The following MAPKAP1 variants were observed in gnomAD, a reference collection of about 807,000 sequenced individuals.
MAPKAP1 encodes target of rapamycin complex 2 subunit MAPKAP1.
In MAPKAP1, 20 loss-of-function variants were observed where a neutral mutation model predicts 65.7. The observed-to-expected ratio is 0.30, with a 90% CI of 0.21 to 0.44. The LOEUF (loss-of-function observed/expected upper bound fraction) is 0.44, where lower values mean the gene tolerates loss of function less well. MAPKAP1 is among the 20% of genes least tolerant of loss of function. MAPKAP1 has a pLI of 1.00. For missense variants in MAPKAP1, 423 were observed against 648.0 expected (o/e 0.65, Z 3.77); for synonymous variants, 222 against 244.3 (o/e 0.91, Z 0.85).
At position 125,685,543 on chromosome 9, in the gene MAPKAP1, G is replaced by A. The variant is rs374802679; in HGVS notation, c.-69-12900C>T. Among the ~76,000 whole-genome samples the A allele has an allele frequency of 6.7e-4, 102 of 152,372 alleles. No homozygotes were observed. The Middle Eastern group carries it at 0.017, about 25-fold the overall frequency. ...ACTCCAAGTGAAATGAGGGGTCACT[G>A]GAGGATTGTGAATGATCTGTCTCAC... On this transcript the variant is annotated intron_variant, in intron 1 of 11. Transcript: ENST00000265960.
chr9:125,488,259 G>A (rs1854568432), intron 8 of MAPKAP1, among the ~76,000 whole-genome samples: 1 of 152,228 alleles, frequency 6.6e-6, no homozygotes, highest in Admixed American at 6.5e-5. Flanking sequence ...AGGGAGTACA[G>A]AAGGAATAGT....
At chr9:125,625,244 A>AAT (rs1554833060) in intron 4 of MAPKAP1, among the ~76,000 whole-genome samples, 37 of 44,238 alleles carry the variant, frequency 8.4e-4, no homozygotes, top group African/African-American at 1.9e-3. Context: ...AATAAAAAAA[A>AAT]AATAAATAAA....
intron 5 of MAPKAP1, among the ~76,000 whole-genome samples, chr9:125,562,393 G>T (rs1056777572): frequency 6.6e-6 from 1 of 152,050 alleles, no homozygotes; most frequent in East Asian, 1.9e-4. Context: ...ACAGAGGAAG[G>T]AAAAGAAGAC....
chr9:125,652,343 T>A, intron 4 of MAPKAP1: 3 of 842,262 alleles, frequency 3.6e-6, no homozygotes, highest in Non-Finnish European at 4.4e-6. Flanking sequence ...ATGTGTTAAT[T>A]GCCACAGCAT....
intron 4 of MAPKAP1, chr9:125,652,048 C>T: frequency 1.8e-6 from 2 of 1,118,998 alleles, no homozygotes; most frequent in South Asian, 1.8e-5. Context: ...AGCATATTTT[C>T]CAAGTTCAGA....
intron 5 of MAPKAP1, among the ~76,000 whole-genome samples, chr9:125,570,628 T>A (rs1254048494): frequency 6.6e-6 from 1 of 152,202 alleles, no homozygotes; most frequent in Non-Finnish European, 1.5e-5. Flanking sequence ...ACTACTGAAA[T>A]AATTTTACAT....
At chr9:125,503,937 A>G (rs1261412976) in intron 8 of MAPKAP1, among the ~76,000 whole-genome samples, 2 of 124,020 alleles carry the variant, frequency 1.6e-5, no homozygotes, top group African/African-American at 6.5e-5. Context: ...GGGGTTTGCC[A>G]TGTTGGCCAG....
chr9:125,669,397 T>C lies in MAPKAP1; in HGVS notation c.349+421A>G, dbSNP rs139257222. 3.0e-3 allele frequency among the ~76,000 whole-genome samples: 464 copies of C among 152,198 alleles called. 2 individuals carry two copies. Among genetic ancestry groups the C allele is most frequent in the African/African-American group, 4.2e-3 (174 of 41,518 alleles). ...GAGGACGTTGAGGCAGGAGAATCGC[T>C]TGAACCGGGGAGGCAGAGGCTGCAG... On this transcript the variant is annotated intron_variant, in intron 3 of 11. Transcript: ENST00000265960.
intron 6 of MAPKAP1, among the ~76,000 whole-genome samples, chr9:125,548,592 T>C (rs1347822731): frequency 6.6e-6 from 1 of 152,206 alleles, no homozygotes; most frequent in East Asian, 1.9e-4. Context: ...ATAATTATTC[T>C]TGGATTTTAA....
At chr9:125,482,131 T>TAA (rs1554808939) in intron 9 of MAPKAP1, among the ~76,000 whole-genome samples, 3 of 99,104 alleles carry the variant, frequency 3.0e-5, no homozygotes, top group Admixed American at 1.0e-4. Context: ...AAACTCTGTC[T>TAA]AAAAAAAAAA....
intron 5 of MAPKAP1, among the ~76,000 whole-genome samples, chr9:125,574,598 CATA>C (rs1831335804): frequency 6.6e-6 from 1 of 152,216 alleles, no homozygotes; most frequent in African/African-American, 2.4e-5. Context: ...TCTGGAAATA[CATA>C]ATGTCAGGTC....
chr9:125,576,930 C>T (rs897416705), intron 5 of MAPKAP1, among the ~76,000 whole-genome samples: 39 of 152,252 alleles, frequency 2.6e-4, no homozygotes, highest in African/African-American at 6.3e-4. Flanking sequence ...CAGCCTCTGC[C>T]GGGCCGCCAC....
intron 1 of MAPKAP1, among the ~76,000 whole-genome samples, chr9:125,704,085 T>G (rs1253820806): frequency 6.6e-6 from 1 of 152,196 alleles, no homozygotes; most frequent in African/African-American, 2.4e-5. Context: ...ACTGGCACAC[T>G]GAAGCTACAG....
At chr9:125,557,678 T>C (rs1383117935) in intron 6 of MAPKAP1, among the ~76,000 whole-genome samples, 1 of 152,152 alleles carries the variant, frequency 6.6e-6, no homozygotes, top group Non-Finnish European at 1.5e-5. Flanking sequence ...AATCTAAATA[T>C]TCTGTGATCG....
At chr9:125,481,337 G>GA (rs1239014737) in intron 9 of MAPKAP1, among the ~76,000 whole-genome samples, 1 of 151,992 alleles carries the variant, frequency 6.6e-6, no homozygotes, top group African/African-American at 2.4e-5. Flanking sequence ...TCACACTGGG[G>GA]AATGAGCGGG....
intron 8 of MAPKAP1, among the ~76,000 whole-genome samples, chr9:125,505,503 T>C (rs550059965): frequency 2.2e-4 from 33 of 151,818 alleles, no homozygotes; most frequent in Non-Finnish European, 4.6e-4. Context: ...AATGAATAGA[T>C]AGAAACACAC....
In MAPKAP1 at chr9:125,484,432, C is replaced by CTT; in HGVS notation, c.1207+10_1207+11insAA. Reference sequence around the variant, plus strand: ...ACGACAAGCTAGCTCATCACCTGCTCACACACTTACCTAGCTGTACGTCGG... The same window carrying CTT: ...ACGACAAGCTAGCTCATCACCTGCTCTTACACACTTACCTAGCTGTACGTCGG... On this transcript the variant is annotated intron_variant, in intron 9 of 11. Transcript: ENST00000265960. The CTT allele has an allele frequency of 3.7e-6, 6 of 1,604,416 alleles. No individual in the cohort carries two copies. Among genetic ancestry groups the CTT allele is most frequent in the Non-Finnish European group, 4.3e-6 (5 of 1,175,430 alleles).
At chr9:125,677,049 G>A (rs1055406703) in intron 1 of MAPKAP1, among the ~76,000 whole-genome samples, 1 of 152,132 alleles carries the variant, frequency 6.6e-6, no homozygotes, top group Admixed American at 6.6e-5. Flanking sequence ...ACAGAACAAG[G>A]TTTAGAAATG....
chr9:125,622,338 G>A (rs1832929624), intron 4 of MAPKAP1, among the ~76,000 whole-genome samples: 1 of 152,156 alleles, frequency 6.6e-6, no homozygotes, highest in Non-Finnish European at 1.5e-5. Context: ...AATGATGTTT[G>A]TGATATTTGA....
Sources: allele counts gnomAD v4.1 joint callset (sites outside exome capture counted in the v4.1 genomes callset), GRCh38; gene constraint gnomAD v4.1.1; transcripts MANE v1.5; gene names NCBI Gene and HGNC (gene_info 2026-07-23, HGNC 2026-07-21).